INPP4A: variants seen among roughly 807,000 people sequenced by gnomAD.
The protein encoded by INPP4A is inositol polyphosphate-4-phosphatase, type I, 107kD.
A neutral mutation model predicts 119.8 loss-of-function variants in INPP4A; 33 were observed. The ratio of observed to expected loss-of-function variants is 0.28; its 90% CI spans 0.21 to 0.37. INPP4A has a LOEUF of 0.37. INPP4A is among the 10% of genes least tolerant of loss of function. The pLI is 1.00. For synonymous variants in INPP4A, 496 were observed against 500.7 expected (o/e 0.99, Z 0.12); for missense variants, 956 against 1,289.9 (o/e 0.74, Z 3.97).
In INPP4A at chr2:98,546,903, T is replaced by C. The variant is rs1268653446; in HGVS notation, c.1163+209T>C. On this transcript the variant is annotated intron_variant, in intron 13 of 24. Coordinates refer to ENST00000409851, the MANE Select transcript of INPP4A (RefSeq NM_001134225.2). The surrounding 1 kb of genome is among the most constrained non-coding windows in gnomAD (Gnocchi z 4.2). ...GATGAGGGCACTGGATCAATGGTCCTGTCCTGCAAAATGAGGAGCAGATTG... is the reference window on the plus strand; with the variant it reads ...GATGAGGGCACTGGATCAATGGTCCCGTCCTGCAAAATGAGGAGCAGATTG... Among the ~76,000 whole-genome samples the C allele has an allele frequency of 1.3e-5, 2 of 152,156 alleles. No homozygotes were observed. Among genetic ancestry groups the C allele is most frequent in the African/African-American group, 4.8e-5 (2 of 41,462 alleles).
At chr2:98,487,626 T>C (rs1320965015) in intron 1 of INPP4A, among the ~76,000 whole-genome samples, 1 of 152,200 alleles carries the variant, frequency 6.6e-6, no homozygotes, top group East Asian at 1.9e-4. Context: ...TTGAGTCAAA[T>C]ATAGAGACAA....
intron 1 of INPP4A, among the ~76,000 whole-genome samples, chr2:98,472,898 C>T (rs1342380560): frequency 1.3e-5 from 2 of 152,208 alleles, no homozygotes; most frequent in Non-Finnish European, 2.9e-5. Flanking sequence ...AGCTGCACTT[C>T]TGCTTGCCAC....
rs1700400715 is a variant in INPP4A at position 98,591,488 on chromosome 2, G to A, written c.*3880G>A. 6.6e-6 allele frequency: 1 copy of A among 152,110 alleles called. No homozygotes were observed. Among genetic ancestry groups the A allele is most frequent in the African/African-American group, 2.4e-5 (1 of 41,396 alleles). 9.4% of individuals were successfully genotyped at this position (152,110 alleles called of 1,614,324 possible). A position where few individuals can be genotyped will look rare whatever the true frequency, so the allele number is the denominator to read the frequency against. ...GTAAAGTCAGAGGGAATCCCTCAAG[G>A]TCAGGCCTAATTTTGCTTCTCTTTA... On this transcript the variant is annotated 3_prime_UTR_variant, in exon 25 of 25. Transcript: ENST00000409851.
At position 98,457,357 on chromosome 2, in the gene INPP4A, A is replaced by T. The variant is rs111449991; in HGVS notation, c.-166+12272A>T. 3.8e-3 allele frequency among the ~76,000 whole-genome samples: 573 copies of T among 152,346 alleles called. 7 individuals are homozygous for T. The highest frequency in any genetic ancestry group is 0.013 in the African/African-American group (554 of 41,576). ...AGGATTGCATGAGCCCAGGAGTTTG[A>T]TACCAGCCTGGTCGGTATAGTGAGA... On this transcript the variant is annotated intron_variant, in intron 1 of 24. Coordinates refer to ENST00000409851, the MANE Select transcript of INPP4A (RefSeq NM_001134225.2).
At chr2:98,451,928 G>A (rs1695300468) in intron 1 of INPP4A, among the ~76,000 whole-genome samples, 2 of 152,144 alleles carry the variant, frequency 1.3e-5, no homozygotes, top group African/African-American at 4.8e-5. Context: ...GATGCTTTTG[G>A]TTGCCAACAG....
rs758387113 is a variant in INPP4A, at chr2:98,592,163, C to CT, written c.*4556dup. The stretch of plus-strand genomic sequence containing the variant: ...CTCTGCATTTGGAGATGGACAAACT[C>CT]TCTTCTTCTTATCACTTTCTCCCCA... On this transcript the variant is annotated 3_prime_UTR_variant, in exon 25 of 25. Coordinates refer to ENST00000409851, the MANE Select transcript of INPP4A (RefSeq NM_001134225.2). The CT allele has an allele frequency of 5.3e-5, 8 of 152,302 alleles. No homozygotes were observed. Among genetic ancestry groups the CT allele is most frequent in the Admixed American group, 1.3e-4 (2 of 15,284 alleles). 9.4% of individuals were successfully genotyped at this position (152,302 alleles called of 1,614,324 possible).
In INPP4A at chr2:98,543,975, A is replaced by G. The variant is rs1692004691; in HGVS notation, c.917A>G (p.Gln306Arg). 6.3e-7 allele frequency: 1 copy of G among 1,581,250 alleles called. No individual in the cohort carries two copies. Among genetic ancestry groups the G allele is most frequent in the Non-Finnish European group, 8.6e-7 (1 of 1,162,680 alleles). Residue 306 changes from glutamine to arginine, a missense_variant, in exon 11 of 25, where the codon CAG (glutamine) becomes CGG (arginine). By Grantham distance (43) the Gln-to-Arg change is conservative. Transcript: ENST00000409851. Reference protein sequence around the residue: ...TQYQTIILTYQENLTDLHQYR... With the variant: ...TQYQTIILTYRENLTDLHQYR... The stretch of plus-strand genomic sequence containing the variant: ...TACCAGACCATCATCCTCACATACC[A>G]GGAGAACCTGACCGACCTCCATCAG...
In INPP4A at chr2:98,587,623, C is replaced by T; in HGVS notation, c.*15C>T. On this transcript the variant is annotated 3_prime_UTR_variant, in exon 25 of 25. Transcript: ENST00000409851. ...TTGAAACGTGAACACACGGTTTCCT[C>T]TAATTAGCTGTTACATAATAAATGT... 1.9e-6 allele frequency: 3 copies of T among 1,588,294 alleles called. No homozygotes were observed. The highest frequency in any genetic ancestry group is 1.2e-5 in the South Asian group (1 of 84,888).
chr2:98,567,544 C>T (rs1696689029), intron 21 of INPP4A, among the ~76,000 whole-genome samples: 1 of 152,148 alleles, frequency 6.6e-6, no homozygotes, highest in Non-Finnish European at 1.5e-5. Flanking sequence ...TGCCTGCATC[C>T]AGTAGCTGCG....
intron 4 of INPP4A, among the ~76,000 whole-genome samples, chr2:98,525,372 G>C (rs1688004205): frequency 6.6e-6 from 1 of 152,124 alleles, no homozygotes; most frequent in Non-Finnish European, 1.5e-5. Context: ...GTGATAGATT[G>C]AGCCCATCTG....
chr2:98,503,051 G>A (rs1442042945), intron 1 of INPP4A, among the ~76,000 whole-genome samples: 6 of 152,194 alleles, frequency 3.9e-5, no homozygotes, highest in African/African-American at 1.4e-4. Flanking sequence ...TGCCCTTTAT[G>A]TGTTGGTCGT....
intron 13 of INPP4A, chr2:98,548,860 G>T: frequency 8.6e-7 from 1 of 1,163,248 alleles, no homozygotes; most frequent in South Asian, 1.4e-5. Flanking sequence ...TAAGTATTTT[G>T]ACAAAAAATA....
chr2:98,520,211 C>G (rs1686920001), intron 3 of INPP4A, 57 bp downstream of exon 3: 5 of 1,298,342 alleles, frequency 3.9e-6, no homozygotes, highest in Non-Finnish European at 5.4e-6. Context: ...CACCTGGGCT[C>G]CACACTGCAG....
At chr2:98,502,849 G>A (rs566911112) in intron 1 of INPP4A, among the ~76,000 whole-genome samples, 4 of 152,196 alleles carry the variant, frequency 2.6e-5, no homozygotes, top group Non-Finnish European at 5.9e-5. Flanking sequence ...TAATAGACCT[G>A]AAATTGCTTG....
At chr2:98,529,867 A>G (rs1183876872) in intron 4 of INPP4A, among the ~76,000 whole-genome samples, 1 of 152,236 alleles carries the variant, frequency 6.6e-6, no homozygotes, top group East Asian at 1.9e-4. Flanking sequence ...ACTCTTATTA[A>G]ATCTGTGAAG....
At chr2:98,575,777 A>C (rs1340711958) in intron 23 of INPP4A, among the ~76,000 whole-genome samples, 1 of 152,214 alleles carries the variant, frequency 6.6e-6, no homozygotes, top group Non-Finnish European at 1.5e-5. Context: ...TCTGGCATAC[A>C]ACAGATACCC....
rs1052163764 is a variant in INPP4A at position 98,536,328 on chromosome 2, C to T, written c.467+120C>T. On this transcript the variant is annotated intron_variant, in intron 7 of 24. Transcript: ENST00000409851. ...CCTTCCCTTCCCAGAAGCCAGTCAG[C>T]GTGGGGACACTGTGTTGTCTATTGA... is the stretch of plus-strand genomic sequence containing the variant. The T allele has an allele frequency of 1.0e-5, 7 of 667,562 alleles. No individual in the cohort carries two copies. In the East Asian group the frequency reaches 1.1e-4, roughly 10 times the overall value. The allele number at this position is 667,562 out of a possible 1,614,324, so 41.4% of individuals were successfully genotyped here.
intron 1 of INPP4A, among the ~76,000 whole-genome samples, chr2:98,497,482 A>G (rs901542015): frequency 2.6e-5 from 4 of 152,144 alleles, no homozygotes; most frequent in African/African-American, 9.7e-5. Flanking sequence ...AGCCACAGAC[A>G]CTCAACGCTA....
chr2:98,533,288 T>C lies in INPP4A; in HGVS notation c.152-89T>C. The C allele has an allele frequency of 7.7e-6, 6 of 783,132 alleles. No homozygotes were observed. In the South Asian group the frequency reaches 9.0e-5, roughly 12 times the overall value. The allele number at this position is 783,132 out of a possible 1,614,324, so 48.5% of individuals were successfully genotyped here. ...TCATCTCTTTGAATGTCATTTACTCTTTGTGCTTTCTTTGAATGTGTTTGG... is the reference window on the plus strand; with the variant it reads ...TCATCTCTTTGAATGTCATTTACTCCTTGTGCTTTCTTTGAATGTGTTTGG... On this transcript the variant is annotated intron_variant, in intron 4 of 24. Transcript: ENST00000409851.
Sources: allele counts gnomAD v4.1 joint callset (sites outside exome capture counted in the v4.1 genomes callset), GRCh38; gene constraint gnomAD v4.1.1; non-coding constraint Gnocchi (gnomAD v3.1); transcripts MANE v1.5; gene names NCBI Gene and HGNC (gene_info 2026-07-23, HGNC 2026-07-21).